ATG7: variants seen among roughly 807,000 people sequenced by gnomAD.
The protein encoded by ATG7 is ubiquitin-like modifier-activating enzyme ATG7.
In ATG7, 70 loss-of-function variants were observed where a neutral mutation model predicts 82.4. That is an observed-to-expected ratio of 0.85 (90% CI 0.70 to 1.04). ATG7 has a LOEUF of 1.04. Ranked by LOEUF, ATG7 falls within the 50% of genes least tolerant of loss-of-function variation. ATG7 has a pLI of 0.00. For synonymous variants in ATG7, 287 were observed against 313.0 expected (o/e 0.92, Z 0.88); for missense variants, 792 against 864.3 (o/e 0.92, Z 1.05).
rs1208399009 is a variant in ATG7 at position 11,275,356 on chromosome 3, TC to T, written c.-366+2927del. Reference sequence around the variant, plus strand: ...TCTTCCTCTCCTCTTTTTTTTTTTTTCTTTTTTTTTGAGATGGAGTCTCACT... The same window carrying T: ...TCTTCCTCTCCTCTTTTTTTTTTTTTTTTTTTTTTGAGATGGAGTCTCACT... On this transcript the variant is annotated intron_variant, in intron 1 of 20. Coordinates refer to ENST00000693202, the MANE Select transcript of ATG7 (RefSeq NM_001349232.2). Among the ~76,000 whole-genome samples, 3 of 150,732 alleles carry T rather than the reference TC, an allele frequency of 2.0e-5. No homozygotes were observed. The East Asian group carries it at 5.9e-4, about 29-fold the overall frequency.
intron 20 of ATG7, among the ~76,000 whole-genome samples, chr3:11,531,308 C>T (rs1481793443): frequency 6.6e-6 from 1 of 152,128 alleles, no homozygotes. Context: ...GAGCACTGTG[C>T]ATTAGCCTGA....
At chr3:11,411,489 T>C (rs2080888156) in intron 19 of ATG7, among the ~76,000 whole-genome samples, 1 of 151,598 alleles carries the variant, frequency 6.6e-6, no homozygotes, top group Non-Finnish European at 1.5e-5. Context: ...GGCATGGTGG[T>C]GTGTGCCTGA....
intron 14 of ATG7, 122 bp downstream of exon 14, chr3:11,348,157 C>A: frequency 7.6e-7 from 1 of 1,317,816 alleles, no homozygotes; most frequent in Non-Finnish European, 1.0e-6. Flanking sequence ...CAGCCACTCG[C>A]TATGTGGCTG....
intron 10 of ATG7, among the ~76,000 whole-genome samples, chr3:11,331,683 A>C (rs1472251066): frequency 6.6e-6 from 1 of 152,214 alleles, no homozygotes; most frequent in Non-Finnish European, 1.5e-5. Flanking sequence ...GTTGGTAGCC[A>C]GAGGTCCTGA....
intron 20 of ATG7, among the ~76,000 whole-genome samples, chr3:11,466,545 A>C (rs1472624870): frequency 6.6e-6 from 1 of 152,212 alleles, no homozygotes; most frequent in Admixed American, 6.5e-5. Context: ...GGTGTAATGG[A>C]AAAAGCACTG....
intron 20 of ATG7, among the ~76,000 whole-genome samples, chr3:11,492,918 C>T (rs2090501166): frequency 6.6e-6 from 1 of 152,250 alleles, no homozygotes. Context: ...GGGCATGTTA[C>T]AATGCTCTCT....
intron 13 of ATG7, 127 bp downstream of exon 13, chr3:11,342,406 C>T: frequency 2.4e-6 from 3 of 1,240,998 alleles, no homozygotes; most frequent in South Asian, 3.2e-5. Flanking sequence ...CTTCCTTTTT[C>T]CTTTTCTTAT....
intron 3 of ATG7, among the ~76,000 whole-genome samples, chr3:11,287,316 A>T (rs915769497): frequency 3.3e-5 from 5 of 152,166 alleles, no homozygotes; most frequent in Non-Finnish European, 5.9e-5. Context: ...CACCTCTGAG[A>T]AGGCTTTCCT....
chr3:11,485,889 C>G (rs2089572790), intron 20 of ATG7, among the ~76,000 whole-genome samples: 1 of 151,958 alleles, frequency 6.6e-6, no homozygotes, highest in Admixed American at 6.6e-5. Flanking sequence ...CTGTTCTGTT[C>G]CATTGATCTA....
At chr3:11,447,793 A>G (rs1461688891) in intron 20 of ATG7, among the ~76,000 whole-genome samples, 1 of 152,166 alleles carries the variant, frequency 6.6e-6, no homozygotes, top group Non-Finnish European at 1.5e-5. Flanking sequence ...GTAGAAAGGG[A>G]AGGGCTGCCA....
At chr3:11,414,992 C>A (rs2081242491) in intron 19 of ATG7, among the ~76,000 whole-genome samples, 1 of 152,194 alleles carries the variant, frequency 6.6e-6, no homozygotes, top group African/African-American at 2.4e-5. Flanking sequence ...TTGGTGATTT[C>A]ATTGTTGTAT....
chr3:11,547,552 T>A (rs200683778), intron 20 of ATG7, among the ~76,000 whole-genome samples: 1 of 152,250 alleles, frequency 6.6e-6, no homozygotes, highest in East Asian at 1.9e-4. Flanking sequence ...GGAATTGTTG[T>A]ACCATATGGT....
the ATG7 span, among the ~76,000 whole-genome samples, chr3:11,570,422 G>C: frequency 2.0e-5 from 3 of 152,240 alleles, no homozygotes; most frequent in African/African-American, 7.2e-5. Context: ...TTCTCAGTCA[G>C]TAAGCTTCTG....
intron 20 of ATG7, among the ~76,000 whole-genome samples, chr3:11,512,846 ATTGG>A (rs1228048035): frequency 2.0e-5 from 3 of 152,078 alleles, no homozygotes; most frequent in African/African-American, 4.8e-5. Flanking sequence ...CATCCTGCTG[ATTGG>A]TCCATTTTAC....
At chr3:11,458,774 C>T (rs2086007608) in intron 20 of ATG7, among the ~76,000 whole-genome samples, 1 of 152,164 alleles carries the variant, frequency 6.6e-6, no homozygotes, top group African/African-American at 2.4e-5. Context: ...GTTGAGGGGT[C>T]CCCAACCCCC....
intron 14 of ATG7, among the ~76,000 whole-genome samples, chr3:11,358,192 G>C (rs2076055853): frequency 6.6e-6 from 1 of 152,026 alleles, no homozygotes; most frequent in South Asian, 2.1e-4. Flanking sequence ...GTATGTCTCT[G>C]TTTGCTGCCC....
At chr3:11,508,122 C>T (rs2454513) in intron 20 of ATG7, among the ~76,000 whole-genome samples, 131,403 of 152,044 alleles carry the variant, frequency 0.86, 57,136 homozygotes, top group East Asian at 1. Flanking sequence ...GTTTACTCTC[C>T]GACACTTTGT....
chr3:11,482,571 C>A (rs774441415), intron 20 of ATG7, among the ~76,000 whole-genome samples: 1 of 152,086 alleles, frequency 6.6e-6, no homozygotes, highest in Non-Finnish European at 1.5e-5. Context: ...TACAGTTGGG[C>A]CTTACTGAGA....
intron 14 of ATG7, among the ~76,000 whole-genome samples, chr3:11,352,669 T>C (rs2152799356): frequency 6.6e-6 from 1 of 152,348 alleles, no homozygotes; most frequent in South Asian, 2.1e-4. Context: ...CAAGACATGG[T>C]TCTGCCCTCA....
Sources: allele counts gnomAD v4.1 joint callset (sites outside exome capture counted in the v4.1 genomes callset), GRCh38; gene constraint gnomAD v4.1.1; transcripts MANE v1.5; gene names NCBI Gene and HGNC (gene_info 2026-07-23, HGNC 2026-07-21).